DENND6A: variants seen among roughly 807,000 people sequenced by gnomAD.
DENND6A encodes the protein protein DENND6A.
Under a neutral mutation model 95.5 loss-of-function variants are expected in DENND6A, and 43 were observed. That is an observed-to-expected ratio of 0.45 (90% CI 0.35 to 0.58). The LOEUF (loss-of-function observed/expected upper bound fraction) is 0.58, where lower values mean the gene tolerates loss of function less well. DENND6A is among the 20% of genes least tolerant of loss of function. The probability of loss-of-function intolerance (pLI) is 0.00; values close to 1 mark genes in which losing one functional copy is unlikely to be tolerated. For synonymous variants in DENND6A, 257 were observed against 260.4 expected (o/e 0.99, Z 0.13); for missense variants, 574 against 736.0 (o/e 0.78, Z 2.55).
Position 57,657,751 on chromosome 3 carries a change from G to T in DENND6A, c.763-16C>A. 1 of 1,541,030 alleles carries T rather than the reference G, an allele frequency of 6.5e-7. No homozygotes were observed. The highest frequency in any genetic ancestry group is 1.2e-5 in the South Asian group (1 of 83,530). Reference sequence around the variant, plus strand: ...TTGTGTCCACCTGAGAGATAGAAAAGAAAAATAAAAGAAGGTATCACCAAA... The same window carrying T: ...TTGTGTCCACCTGAGAGATAGAAAATAAAAATAAAAGAAGGTATCACCAAA... On this transcript the variant is annotated splice_polypyrimidine_tract_variant and intron_variant, in intron 8 of 19. Transcript: ENST00000311128.
rs750623612 is a variant in DENND6A at position 57,630,844 on chromosome 3, A to C, written c.1408-20T>G. The C allele has an allele frequency of 3.1e-6, 5 of 1,610,180 alleles. 1 individual carries two copies. In the South Asian group the frequency reaches 5.5e-5, roughly 18 times the overall value. On this transcript the variant is annotated intron_variant, in intron 16 of 19. Transcript: ENST00000311128. Reference sequence around the variant, plus strand: ...TGGACTCTAGAAAACAGGACATATAATATTTAGAAATTAGGAGTGGATATG... The same window carrying C: ...TGGACTCTAGAAAACAGGACATATACTATTTAGAAATTAGGAGTGGATATG...
At chr3:57,656,056 T>G (rs955381715) in intron 9 of DENND6A, among the ~76,000 whole-genome samples, 3 of 152,236 alleles carry the variant, frequency 2.0e-5, no homozygotes, top group African/African-American at 7.2e-5. Context: ...CCATAACATG[T>G]ACTTTTTAAG....
intron 18 of DENND6A, 149 bp downstream of exon 18, chr3:57,630,272 G>T: frequency 1.6e-6 from 1 of 618,820 alleles, no homozygotes; most frequent in Non-Finnish European, 2.6e-6. Flanking sequence ...CCCCTATAAT[G>T]TCCTTGGCAC....
intron 1 of DENND6A, among the ~76,000 whole-genome samples, chr3:57,677,068 C>A (rs374751717): frequency 7.9e-5 from 12 of 152,322 alleles, no homozygotes; most frequent in African/African-American, 2.4e-4. Context: ...AAGTGATCCA[C>A]CCGCCTTGGC....
intron 1 of DENND6A, among the ~76,000 whole-genome samples, chr3:57,679,866 A>G (rs1228908955): frequency 6.6e-6 from 1 of 152,218 alleles, no homozygotes; most frequent in African/African-American, 2.4e-5. Context: ...GAGGAACTAT[A>G]GGAATTACAA....
rs2070751487 is a variant in DENND6A, at chr3:57,634,485, G to A, written c.1263+73C>T. 11 of 803,626 alleles carry A rather than the reference G, an allele frequency of 1.4e-5. No individual in the cohort carries two copies. The South Asian group carries it at 3.2e-4, about 23-fold the overall frequency. The allele number at this position is 803,626 out of a possible 1,614,324, so 49.8% of individuals were successfully genotyped here. ...CCTATTTCACATTAGTATACATAAA[G>A]GACATATTGCGTAACTGGATATTAC... On this transcript the variant is annotated intron_variant, in intron 14 of 19. Transcript: ENST00000311128.
At chr3:57,680,637 A>G (rs1394073989) in intron 1 of DENND6A, among the ~76,000 whole-genome samples, 1 of 152,258 alleles carries the variant, frequency 6.6e-6, no homozygotes, top group African/African-American at 2.4e-5. Context: ...TGAACAGGCT[A>G]AGACACAATT....
chr3:57,678,932 T>C (rs1283369741), intron 1 of DENND6A, among the ~76,000 whole-genome samples: 1 of 152,180 alleles, frequency 6.6e-6, no homozygotes, highest in East Asian at 1.9e-4. Flanking sequence ...GGCAAAACCC[T>C]GTCTCTGCTA....
At chr3:57,675,937 G>C (rs1353094323) in intron 1 of DENND6A, among the ~76,000 whole-genome samples, 5 of 152,074 alleles carry the variant, frequency 3.3e-5, no homozygotes, top group Non-Finnish European at 5.9e-5. Context: ...CATTATACCG[G>C]AGGTGCCTCA....
At chr3:57,683,139 A>G (rs1216373201) in intron 1 of DENND6A, among the ~76,000 whole-genome samples, 6 of 152,220 alleles carry the variant, frequency 3.9e-5, no homozygotes. Flanking sequence ...GTACCAACAA[A>G]AATTTAATGA....
At position 57,672,444 on chromosome 3, in the gene DENND6A, AG is replaced by A. The variant is rs1349628501; in HGVS notation, c.238-7del. 6.2e-7 allele frequency: 1 copy of A among 1,611,284 alleles called. No homozygotes were observed. The highest frequency in any genetic ancestry group is 1.7e-5 in the Admixed American group (1 of 59,994). The stretch of plus-strand genomic sequence containing the variant: ...GAATGCTGAGGATAAATTACCTGGA[AG>A]AAAAGAGTTAAATTTTGTTAAACAT... On this transcript the variant is annotated splice_polypyrimidine_tract_variant and splice_region_variant and intron_variant, in intron 1 of 19. Transcript: ENST00000311128.
intron 4 of DENND6A, 59 bp from the exon 5 acceptor site, chr3:57,663,775 C>A: frequency 1.0e-6 from 1 of 979,462 alleles, no homozygotes; most frequent in Non-Finnish European, 1.5e-6. Context: ...GTATCTATAT[C>A]TATATCCATA....
chr3:57,628,783 T>C (rs755197833), intron 19 of DENND6A, 28 bp downstream of exon 19: 24 of 1,600,386 alleles, frequency 1.5e-5, no homozygotes, highest in Non-Finnish European at 2.0e-5. Context: ...AAAAGTCAAT[T>C]TAATCTTTGG....
chr3:57,628,185 C>T lies in DENND6A; in HGVS notation c.*29G>A. 6.2e-7 allele frequency: 1 copy of T among 1,606,338 alleles called. No individual in the cohort carries two copies. Among genetic ancestry groups the T allele is most frequent in the Non-Finnish European group, 8.5e-7 (1 of 1,175,806 alleles). ...GTCAGTATGCTTCATGATGCATAAT[C>T]CTTTTTGGCTGGAAAATCTTGGCAA... On this transcript the variant is annotated 3_prime_UTR_variant, in exon 20 of 20. Coordinates refer to ENST00000311128, the MANE Select transcript of DENND6A (RefSeq NM_152678.3).
Position 57,678,474 on chromosome 3 carries a change from T to C in DENND6A, c.238-6036A>G, listed in dbSNP as rs1399866055. 1.1e-4 allele frequency among the ~76,000 whole-genome samples: 16 copies of C among 152,218 alleles called. 1 individual carries two copies. Among genetic ancestry groups the C allele is most frequent in the Non-Finnish European group, 2.9e-5 (2 of 68,042 alleles). Reference sequence around the variant, plus strand: ...GCAATTGGGGAGATAAGAAATACAGTTGGGGCTCAAATCCAGAGATATCTA... The same window carrying C: ...GCAATTGGGGAGATAAGAAATACAGCTGGGGCTCAAATCCAGAGATATCTA... On this transcript the variant is annotated intron_variant, in intron 1 of 19. Transcript: ENST00000311128.
intron 7 of DENND6A, among the ~76,000 whole-genome samples, chr3:57,660,433 G>A (rs969382275): frequency 2.0e-5 from 3 of 151,996 alleles, no homozygotes; most frequent in African/African-American, 2.4e-5. Flanking sequence ...CACCCGCCTC[G>A]GCCTCCCAAA....
intron 4 of DENND6A, among the ~76,000 whole-genome samples, chr3:57,664,536 A>C (rs2071494192): frequency 6.6e-6 from 1 of 152,150 alleles, no homozygotes; most frequent in Non-Finnish European, 1.5e-5. Flanking sequence ...AGGAGGGATA[A>C]GAAAGGAGAA....
chr3:57,656,224 T>C lies in DENND6A; in HGVS notation c.818+1456A>G, dbSNP rs142077845. On this transcript the variant is annotated intron_variant, in intron 9 of 19. Transcript: ENST00000311128. ...CCCAGGTAACCACTGATCTGATTTC[T>C]GTCCCTATAGTTTTATCTTTTCCAG... Among the ~76,000 whole-genome samples the C allele has an allele frequency of 4.0e-3, 613 of 152,352 alleles. 6 individuals are homozygous for C. The highest frequency in any genetic ancestry group is 0.014 in the African/African-American group (596 of 41,586).
intron 6 of DENND6A, 118 bp from the exon 7 acceptor site, chr3:57,660,957 A>G (rs988369200): frequency 1.2e-6 from 1 of 865,176 alleles, no homozygotes; most frequent in Admixed American, 3.7e-5. Context: ...ACCTGGAAGA[A>G]TGAGAGATAA....
Sources: allele counts gnomAD v4.1 joint callset (sites outside exome capture counted in the v4.1 genomes callset), GRCh38; gene constraint gnomAD v4.1.1; transcripts MANE v1.5; gene names NCBI Gene and HGNC (gene_info 2026-07-23, HGNC 2026-07-21).